Variants in HTATIP2 observed in about 807,000 individuals in gnomAD.
HTATIP2 encodes protein HTATIP2.
A neutral mutation model predicts 24.7 loss-of-function variants in HTATIP2; 26 were observed. That is an observed-to-expected ratio of 1.05 (90% CI 0.77 to 1.46). HTATIP2 has a LOEUF of 1.46. HTATIP2 is among the 40% of genes most tolerant of loss of function. HTATIP2 has a pLI of 0.00. For missense variants in HTATIP2, 284 were observed against 289.6 expected, an observed-to-expected ratio of 0.98 and a Z score of 0.14; for synonymous variants, 99 against 113.2, an observed-to-expected ratio of 0.87 and a Z score of 0.79.
intron 2 of HTATIP2, among the ~76,000 whole-genome samples, chr11:20,372,822 G>A (rs2064785518): frequency 1.3e-5 from 2 of 152,152 alleles, no homozygotes; most frequent in Admixed American, 6.5e-5. Context: ...CCTTTCATCT[G>A]TAAATAGAAT....
Position 20,367,204 on chromosome 11 carries a change from G to T in HTATIP2, c.226G>T (p.Asp76Tyr). Residue 76 changes from aspartate (D) to tyrosine (Y), a missense_variant, in exon 2 of 5, where the codon GAT becomes TAT. By Grantham distance (160) the Asp-to-Tyr change is radical. Coordinates refer to ENST00000451739, the MANE Select transcript of HTATIP2 (RefSeq NM_001098522.2). ...NQEVVDFEKL[D>Y]DYASAFQGHD... ...AGAAGTGGTGGACTTTGAAAAGTTG[G>T]ATGACTACGCCTCTGCCTTTCAAGG... 6.2e-7 allele frequency: 1 copy of T among 1,614,098 alleles called. No homozygotes were observed.
At chr11:20,381,157 G>A (rs538952278) in intron 3 of HTATIP2, among the ~76,000 whole-genome samples, 1 of 152,194 alleles carries the variant, frequency 6.6e-6, no homozygotes, top group South Asian at 2.1e-4. Context: ...AAAAAAGAAT[G>A]GCCAAGCGCG....
At chr11:20,368,049 T>A (rs1357845434) in intron 2 of HTATIP2, among the ~76,000 whole-genome samples, 1 of 152,180 alleles carries the variant, frequency 6.6e-6, no homozygotes, top group Non-Finnish European at 1.5e-5. Flanking sequence ...TCTGCATATG[T>A]ATCCCAGAAC....
intron 2 of HTATIP2, 164 bp downstream of exon 2, chr11:20,367,445 AG>A (rs2064723621): frequency 2.7e-6 from 4 of 1,491,544 alleles, no homozygotes. Flanking sequence ...TCCTTTTAAT[AG>A]TACTGATAAG....
intron 1 of HTATIP2, among the ~76,000 whole-genome samples, 154 bp from the exon 2 acceptor site, chr11:20,367,020 T>A (rs536694710): frequency 6.6e-6 from 1 of 152,392 alleles, no homozygotes; most frequent in East Asian, 1.9e-4. Context: ...TGAGGTTCAT[T>A]GCTTTTTGGT....
intron 2 of HTATIP2, among the ~76,000 whole-genome samples, chr11:20,368,650 C>T (rs893878644): frequency 5.3e-5 from 8 of 152,186 alleles, no homozygotes; most frequent in African/African-American, 1.7e-4. Flanking sequence ...TCTCAAGTGC[C>T]AACCTGGTTT....
intron 2 of HTATIP2, among the ~76,000 whole-genome samples, chr11:20,371,425 T>C (rs976885484): frequency 6.6e-6 from 1 of 152,200 alleles, no homozygotes; most frequent in Admixed American, 6.5e-5. Context: ...TTCTGTTTTT[T>C]TGAGACAGAG....
chr11:20,379,069 C>T (rs1033238390), intron 3 of HTATIP2, among the ~76,000 whole-genome samples: 12 of 151,930 alleles, frequency 7.9e-5, no homozygotes, highest in African/African-American at 2.9e-4. Context: ...ACAACAACAA[C>T]AACAACAACA....
chr11:20,379,199 C>G (rs1157350773), intron 3 of HTATIP2, among the ~76,000 whole-genome samples: 1 of 152,120 alleles, frequency 6.6e-6, no homozygotes, highest in East Asian at 1.9e-4. Flanking sequence ...CAAAAGGGAC[C>G]CAGCAGAGAT....
rs180783675 is a variant in HTATIP2 at position 20,367,320 on chromosome 11, A to G, written c.303+39A>G. 5.0e-6 allele frequency: 8 copies of G among 1,613,150 alleles called. No individual in the cohort carries two copies. The highest frequency in any genetic ancestry group is 6.8e-6 in the Non-Finnish European group (8 of 1,179,840). On this transcript the variant is annotated intron_variant, in intron 2 of 4. Coordinates refer to ENST00000451739, the MANE Select transcript of HTATIP2 (RefSeq NM_001098522.2). Reference sequence around the variant, plus strand: ...ATGCTCTTTTCCCTTTTTGCTGGCCAGTAATATCAAGGATTCTTTTCTTGC... The same window carrying G: ...ATGCTCTTTTCCCTTTTTGCTGGCCGGTAATATCAAGGATTCTTTTCTTGC...
intron 2 of HTATIP2, among the ~76,000 whole-genome samples, chr11:20,371,700 A>G (rs985621813): frequency 6.6e-6 from 1 of 152,072 alleles, no homozygotes; most frequent in African/African-American, 2.4e-5. Flanking sequence ...CGGCCTCCCA[A>G]AGTGCTGGGA....
At chr11:20,371,781 A>G (rs1214287704) in intron 2 of HTATIP2, among the ~76,000 whole-genome samples, 1 of 152,140 alleles carries the variant, frequency 6.6e-6, no homozygotes, top group Non-Finnish European at 1.5e-5. Flanking sequence ...AGAATATCCA[A>G]TTGGAAAACT....
Position 20,383,070 on chromosome 11 carries a change from G to A in HTATIP2, c.594G>A (p.Gly198=), listed in dbSNP as rs1425151503. The A allele has an allele frequency of 2.5e-6, 4 of 1,613,654 alleles. No homozygotes were observed. Among genetic ancestry groups the A allele is most frequent in the Non-Finnish European group, 3.4e-6 (4 of 1,179,954 alleles). The change falls in exon 5 of 5, where the codon GGG becomes GGA. Residue 198 remains glycine (G), a synonymous_variant. Coordinates refer to ENST00000451739, the MANE Select transcript of HTATIP2 (RefSeq NM_001098522.2). ...CCTTACCAGACTCTTGGGCCAGTGGGCATTCTGTGCCTGTGGTGACCGTGG... is the reference window on the plus strand; with the variant it reads ...CCTTACCAGACTCTTGGGCCAGTGGACATTCTGTGCCTGTGGTGACCGTGG... ...FGSLPDSWAS[G]HSVPVVTVVR...
intron 1 of HTATIP2, among the ~76,000 whole-genome samples, chr11:20,366,099 CTTTT>C (rs746247166): frequency 9.2e-6 from 1 of 108,690 alleles, no homozygotes; most frequent in Non-Finnish European, 1.8e-5. Flanking sequence ...CTTTTCTTTT[CTTTT>C]TTTTTTTTTT....
intron 2 of HTATIP2, among the ~76,000 whole-genome samples, chr11:20,372,028 T>G (rs555259607): frequency 6.6e-6 from 1 of 152,288 alleles, no homozygotes; most frequent in African/African-American, 2.4e-5. Flanking sequence ...AGAAAGAACC[T>G]GAAGCAGAAA....
At chr11:20,373,592 T>G (rs1351840942) in intron 2 of HTATIP2, among the ~76,000 whole-genome samples, 1 of 152,102 alleles carries the variant, frequency 6.6e-6, no homozygotes, top group African/African-American at 2.4e-5. Flanking sequence ...ATCCTTCCAA[T>G]CAATCTTGCT....
chr11:20,368,240 A>AG (rs1235982669), intron 2 of HTATIP2, among the ~76,000 whole-genome samples: 2 of 152,126 alleles, frequency 1.3e-5, no homozygotes, highest in Non-Finnish European at 2.9e-5. Context: ...AATTCTCCTT[A>AG]GGTTTATAAG....
intron 2 of HTATIP2, among the ~76,000 whole-genome samples, chr11:20,372,937 C>T (rs1308453838): frequency 6.6e-6 from 1 of 152,126 alleles, no homozygotes; most frequent in Non-Finnish European, 1.5e-5. Flanking sequence ...GACCCTTTTG[C>T]TTTTGAGTTT....
intron 2 of HTATIP2, chr11:20,376,230 T>G: frequency 4.2e-6 from 1 of 237,382 alleles, no homozygotes; most frequent in Non-Finnish European, 7.8e-6. Flanking sequence ...GAGTGTAAAG[T>G]TGTGAAGTTA....
Sources: gnomAD v4.1 joint callset for allele counts (sites outside exome capture counted in the v4.1 genomes callset) on GRCh38, gnomAD v4.1.1 for gene constraint, MANE v1.5 for transcripts, NCBI Gene and HGNC (gene_info 2026-07-23, HGNC 2026-07-21) for gene names.